The following OPCML variants were observed in gnomAD, a reference collection of about 807,000 sequenced individuals.
OPCML encodes the protein opioid binding protein/cell adhesion molecule like, also known as opioid-binding protein/cell adhesion molecule.
In OPCML, 13 loss-of-function variants were observed where a neutral mutation model predicts 37.8. That is an observed-to-expected ratio of 0.34 (90% confidence interval 0.22 to 0.55). The LOEUF is 0.55. OPCML is among the 20% of genes least tolerant of loss of function. The probability of loss-of-function intolerance (pLI) is 0.91; values close to 1 mark genes in which losing one functional copy is unlikely to be tolerated. For synonymous variants in OPCML, 176 were observed against 168.8 expected, an observed-to-expected ratio of 1.04 and a Z score of -0.33; for missense variants, 341 against 435.6, an observed-to-expected ratio of 0.78 and a Z score of 1.93.
intron 1 of OPCML, among the ~76,000 whole-genome samples, chr11:133,081,155 G>A (rs1948710455): frequency 6.6e-6 from 1 of 152,146 alleles, no homozygotes; most frequent in South Asian, 2.1e-4. Flanking sequence ...AGGGTGACAG[G>A]CGCATCTGAT....
At chr11:132,440,294 T>C (rs2096028116) in intron 4 of OPCML, among the ~76,000 whole-genome samples, 1 of 152,166 alleles carries the variant, frequency 6.6e-6, no homozygotes, top group Admixed American at 6.5e-5. Context: ...GTTTGTACAA[T>C]GTGCTTCTCA....
rs527843048 is a variant in OPCML at position 133,489,306 on chromosome 11, A to T, written c.61+42958T>A. On this transcript the variant is annotated intron_variant, in intron 1 of 7. Coordinates refer to ENST00000524381, the MANE Select transcript of OPCML (RefSeq NM_001012393.5). ...CAACAGACCACCTAAAGAACGGTTT[A>T]AAAAAAAAAACTGTAAACTATGCAT... is the stretch of plus-strand genomic sequence containing the variant. Among the ~76,000 whole-genome samples the T allele has an allele frequency of 2.1e-5, 3 of 139,728 alleles. No homozygotes were observed. The South Asian group carries it at 6.5e-4, about 30-fold the overall frequency. The allele number at this position is 139,728 out of a possible 152,430, so 91.7% of individuals were successfully genotyped here. A position where few individuals can be genotyped will look rare whatever the true frequency, so the allele number is the denominator to read the frequency against.
intron 1 of OPCML, among the ~76,000 whole-genome samples, chr11:133,352,373 G>T (rs1944161173): frequency 6.6e-6 from 1 of 152,170 alleles, no homozygotes; most frequent in South Asian, 2.1e-4. Context: ...TCTTGGCCGG[G>T]AATGCTCTTT....
intron 7 of OPCML, among the ~76,000 whole-genome samples, chr11:132,435,597 C>T (rs891864965): frequency 6.6e-6 from 1 of 152,166 alleles, no homozygotes; most frequent in Non-Finnish European, 1.5e-5. Flanking sequence ...GTTTGCTGCT[C>T]CAGTTGTGGA....
At chr11:133,002,594 T>C (rs1268000449) in intron 1 of OPCML, among the ~76,000 whole-genome samples, 1 of 152,202 alleles carries the variant, frequency 6.6e-6, no homozygotes, top group African/African-American at 2.4e-5. Context: ...ATGATGGATA[T>C]AAAAGTTCTC....
chr11:133,396,442 C>T (rs866067766), intron 1 of OPCML, among the ~76,000 whole-genome samples: 13 of 151,992 alleles, frequency 8.6e-5, no homozygotes, highest in South Asian at 6.2e-4. Flanking sequence ...TTCCACATTC[C>T]TATGAGCAAA....
chr11:132,695,086 C>T (rs573584019), intron 2 of OPCML, among the ~76,000 whole-genome samples: 1 of 152,316 alleles, frequency 6.6e-6, no homozygotes, highest in Admixed American at 6.5e-5. Context: ...ACAACCTCAG[C>T]TGATGCAATG....
At chr11:132,890,878 A>G (rs1185848253) in intron 2 of OPCML, among the ~76,000 whole-genome samples, 2 of 151,352 alleles carry the variant, frequency 1.3e-5, no homozygotes, top group Non-Finnish European at 2.9e-5. Flanking sequence ...AAAAAAGAAA[A>G]AAAAAGAAAA....
At chr11:132,670,041 C>A (rs2917584) in intron 2 of OPCML, among the ~76,000 whole-genome samples, 70,922 of 151,776 alleles carry the variant, frequency 0.47, 16,805 homozygotes, top group Middle Eastern at 0.55. Flanking sequence ...AAAATTCAGC[C>A]TCCCAATTTT....
intron 1 of OPCML, among the ~76,000 whole-genome samples, chr11:133,322,114 C>G (rs1943343500): frequency 6.6e-6 from 1 of 152,150 alleles, no homozygotes; most frequent in African/African-American, 2.4e-5. Context: ...TACAAGATTT[C>G]AAACTCATTT....
chr11:133,119,982 A>G (rs1949396238), intron 1 of OPCML, among the ~76,000 whole-genome samples: 1 of 152,080 alleles, frequency 6.6e-6, no homozygotes, highest in African/African-American at 2.4e-5. Context: ...AGGAAATGAA[A>G]GCTCTAGGTC....
intron 2 of OPCML, among the ~76,000 whole-genome samples, chr11:132,941,567 T>C (rs190555148): frequency 6.6e-6 from 1 of 152,346 alleles, no homozygotes; most frequent in East Asian, 1.9e-4. Context: ...GGGACCTTCT[T>C]TGAAGCAATG....
chr11:133,070,950 T>A (rs927567571), intron 1 of OPCML, among the ~76,000 whole-genome samples: 4 of 152,184 alleles, frequency 2.6e-5, no homozygotes, highest in Non-Finnish European at 5.9e-5. Flanking sequence ...CACATCCTTC[T>A]CCAGCAAGCC....
At chr11:132,584,169 C>G (rs1309875059) in intron 3 of OPCML, among the ~76,000 whole-genome samples, 1 of 151,924 alleles carries the variant, frequency 6.6e-6, no homozygotes, top group Non-Finnish European at 1.5e-5. Context: ...AGTTTATATA[C>G]CTGAATATAT....
intron 7 of OPCML, among the ~76,000 whole-genome samples, chr11:132,431,527 G>C (rs578098082): frequency 9.5e-4 from 144 of 152,250 alleles, no homozygotes; most frequent in South Asian, 7.5e-3. Flanking sequence ...CTCTGTGTGG[G>C]GAAGGCAACC....
At chr11:133,014,102 T>A (rs1947271893) in intron 1 of OPCML, among the ~76,000 whole-genome samples, 1 of 152,208 alleles carries the variant, frequency 6.6e-6, no homozygotes, top group South Asian at 2.1e-4. Flanking sequence ...GAACAAGCTT[T>A]ACTAACTGGC....
chr11:133,083,335 G>A (rs1325428958), intron 1 of OPCML, among the ~76,000 whole-genome samples: 1 of 152,056 alleles, frequency 6.6e-6, no homozygotes, highest in Non-Finnish European at 1.5e-5. Context: ...GAGGCCCCGC[G>A]ACCGCATGCG....
chr11:133,078,148 G>A (rs1025218835), intron 1 of OPCML, among the ~76,000 whole-genome samples: 1 of 152,084 alleles, frequency 6.6e-6, no homozygotes, highest in Non-Finnish European at 1.5e-5. Context: ...GAAGGGGACC[G>A]GACAGACATA....
At chr11:132,529,247 G>C (rs1330748637) in intron 3 of OPCML, 61 bp from the exon 4 acceptor site, 16 of 1,524,288 alleles carry the variant, frequency 1.0e-5, no homozygotes, top group Non-Finnish European at 1.2e-5. Context: ...AAAAGGAGGT[G>C]TTAGCCTACA....
Sources: allele counts gnomAD v4.1 joint callset (sites outside exome capture counted in the v4.1 genomes callset), GRCh38; gene constraint gnomAD v4.1.1; transcripts MANE v1.5; gene names NCBI Gene and HGNC (gene_info 2026-07-23, HGNC 2026-07-21).